The following SLC35F3 variants were observed in gnomAD, a reference collection of about 807,000 sequenced individuals.
The protein encoded by SLC35F3 is solute carrier family 35 member F3, also known as putative thiamine transporter SLC35F3.
Under a neutral mutation model 49.9 loss-of-function variants are expected in SLC35F3, and 25 were observed. That is an observed-to-expected ratio of 0.50 (90% CI 0.37 to 0.70). SLC35F3 has a LOEUF of 0.70. Ranked by LOEUF, SLC35F3 falls within the 30% of genes least tolerant of loss-of-function variation. SLC35F3 has a pLI of 0.00. For synonymous variants in SLC35F3, 275 were observed against 265.4 expected, an observed-to-expected ratio of 1.04 and a Z score of -0.35; for missense variants, 525 against 639.8, an observed-to-expected ratio of 0.82 and a Z score of 1.94.
Position 233,957,790 on chromosome 1 carries a change from G to C in SLC35F3, c.283+52032G>C, listed in dbSNP as rs1452681603. On this transcript the variant is annotated intron_variant, in intron 2 of 7. Coordinates refer to ENST00000366618, the MANE Select transcript of SLC35F3 (RefSeq NM_173508.4). This position sits in a 1 kb window ranked among gnomAD's most constrained non-coding sequence, Gnocchi z 4.0. ...AGACTGCATGATTGCACTCCACCTA[G>C]GGCGACAAAAGCGAAACTCCATCTC... is the stretch of plus-strand genomic sequence containing the variant. Among the ~76,000 whole-genome samples, 1 of 152,056 alleles carries C rather than the reference G, an allele frequency of 6.6e-6. No individual in the cohort carries two copies. The highest frequency in any genetic ancestry group is 1.5e-5 in the Non-Finnish European group (1 of 68,004).
intron 2 of SLC35F3, among the ~76,000 whole-genome samples, chr1:234,163,207 T>C (rs958895776): frequency 2.0e-5 from 3 of 152,220 alleles, no homozygotes; most frequent in African/African-American, 7.2e-5. Context: ...CTTGCAGTAT[T>C]TGGTATTTCC....
intron 2 of SLC35F3, among the ~76,000 whole-genome samples, chr1:234,111,490 A>G (rs973261507): frequency 2.6e-5 from 4 of 152,188 alleles, no homozygotes; most frequent in African/African-American, 7.2e-5. Context: ...CGGGGGTCTC[A>G]CCATGCTGGC....
chr1:234,227,551 A>G (rs1197697343), intron 2 of SLC35F3, among the ~76,000 whole-genome samples: 1 of 151,742 alleles, frequency 6.6e-6, no homozygotes, highest in Non-Finnish European at 1.5e-5. Flanking sequence ...GGTGCCCACC[A>G]CCACGCCCGG....
intron 2 of SLC35F3, among the ~76,000 whole-genome samples, chr1:233,951,171 T>C (rs1402090251): frequency 6.6e-6 from 1 of 151,942 alleles, no homozygotes; most frequent in Non-Finnish European, 1.5e-5. Context: ...TCATGCACCA[T>C]GTAACAATGT....
intron 2 of SLC35F3, among the ~76,000 whole-genome samples, chr1:233,926,295 C>T (rs1662159529): frequency 6.6e-6 from 1 of 152,176 alleles, no homozygotes; most frequent in Non-Finnish European, 1.5e-5. Context: ...TTGGTCTTTT[C>T]ACATAGTCTC....
chr1:233,931,309 C>T, intron 2 of SLC35F3, among the ~76,000 whole-genome samples: 1 of 152,144 alleles, frequency 6.6e-6, no homozygotes, highest in South Asian at 2.1e-4. Flanking sequence ...AACTAAAGAG[C>T]TTCTGCACAG....
chr1:234,278,512 A>C (rs1172597471), intron 3 of SLC35F3, among the ~76,000 whole-genome samples: 2 of 151,866 alleles, frequency 1.3e-5, no homozygotes, highest in Admixed American at 6.6e-5. Flanking sequence ...AAAACGAAAA[A>C]AAAAGAGAAA....
Position 234,231,422 on chromosome 1 carries a change from G to A in SLC35F3, c.289G>A (p.Glu97Lys), listed in dbSNP as rs1167555801. The A allele has an allele frequency of 2.6e-6, 4 of 1,552,974 alleles. No individual in the cohort carries two copies. Among genetic ancestry groups the A allele is most frequent in the Non-Finnish European group, 3.5e-6 (4 of 1,152,452 alleles). ...QPWAASCKRE[E>K]RPRDSPGPAE... ...CACGCCCTTCTCTTCCCCAGGGGAGGAGCGCCCCCGGGACTCCCCGGGCCC... is the reference window on the plus strand; with the variant it reads ...CACGCCCTTCTCTTCCCCAGGGGAGAAGCGCCCCCGGGACTCCCCGGGCCC... Residue 97 changes from glutamate (E) to lysine (K), a missense_variant, in exon 3 of 8, where the codon GAG becomes AAG. By Grantham distance (56) the Glu-to-Lys change is moderately conservative. Coordinates refer to ENST00000366618, the MANE Select transcript of SLC35F3 (RefSeq NM_173508.4). This position sits in a 1 kb window ranked among gnomAD's most constrained non-coding sequence, Gnocchi z 5.4.
chr1:233,968,262 T>C (rs1340856764), intron 2 of SLC35F3, among the ~76,000 whole-genome samples: 1 of 152,182 alleles, frequency 6.6e-6, no homozygotes, highest in East Asian at 1.9e-4. Flanking sequence ...TGACTTCTTA[T>C]AAGGACACAA....
rs528625853 is a variant in SLC35F3 at position 234,014,909 on chromosome 1, A to G, written c.283+109151A>G. Among the ~76,000 whole-genome samples, 7 of 152,356 alleles carry G rather than the reference A, an allele frequency of 4.6e-5. No homozygotes were observed. In the East Asian group the frequency reaches 1.3e-3, roughly 29 times the overall value. On this transcript the variant is annotated intron_variant, in intron 2 of 7. Transcript: ENST00000366618. ...TAAAATATCCATACTACCCAAAGCA[A>G]TCTACAGATTCAATGCAATCCTTAT...
intron 2 of SLC35F3, among the ~76,000 whole-genome samples, chr1:233,992,474 G>T (rs1663371320): frequency 2.0e-5 from 3 of 152,142 alleles, no homozygotes; most frequent in African/African-American, 7.2e-5. Flanking sequence ...GAAATATTGA[G>T]GGGTGTCCTG....
chr1:234,050,522 T>C (rs1664360484), intron 2 of SLC35F3, among the ~76,000 whole-genome samples: 1 of 152,252 alleles, frequency 6.6e-6, no homozygotes, highest in Non-Finnish European at 1.5e-5. Context: ...AAGTTCTTTG[T>C]AGATTCTGGA....
chr1:234,130,473 T>TAAAAAA (rs71170467), intron 2 of SLC35F3, among the ~76,000 whole-genome samples: 1 of 138,856 alleles, frequency 7.2e-6, no homozygotes, highest in African/African-American at 2.6e-5. Flanking sequence ...ACCCCGTCTC[T>TAAAAAA]AAAAAAAAAA....
At chr1:234,173,756 C>A (rs1302014052) in intron 2 of SLC35F3, among the ~76,000 whole-genome samples, 1 of 152,200 alleles carries the variant, frequency 6.6e-6, no homozygotes, top group Non-Finnish European at 1.5e-5. Context: ...GCCCCTGCCT[C>A]CAGGAGCTAA....
At chr1:234,234,389 G>A (rs1306286283) in intron 3 of SLC35F3, among the ~76,000 whole-genome samples, 2 of 152,150 alleles carry the variant, frequency 1.3e-5, no homozygotes, top group Non-Finnish European at 2.9e-5. Flanking sequence ...AGAGAGGAAG[G>A]CATGTGTTCC....
At chr1:234,054,577 G>T (rs1209769989) in intron 2 of SLC35F3, among the ~76,000 whole-genome samples, 1 of 152,060 alleles carries the variant, frequency 6.6e-6, no homozygotes, top group Admixed American at 6.5e-5. Context: ...CTTTGTGATG[G>T]GTTCGAACAT....
intron 3 of SLC35F3, among the ~76,000 whole-genome samples, chr1:234,267,774 T>C (rs1668016900): frequency 2.2e-5 from 3 of 138,124 alleles, no homozygotes; most frequent in African/African-American, 8.4e-5. Flanking sequence ...TCCTCACTTC[T>C]CAGATGGGGC....
chr1:234,144,827 G>T (rs7553925), intron 2 of SLC35F3, among the ~76,000 whole-genome samples: 1 of 152,126 alleles, frequency 6.6e-6, no homozygotes, highest in African/African-American at 2.4e-5. Context: ...AGGATAGAGG[G>T]GTGTCCAATA....
chr1:234,019,008 T>C (rs1663850700), intron 2 of SLC35F3, among the ~76,000 whole-genome samples: 1 of 152,204 alleles, frequency 6.6e-6, no homozygotes, highest in Admixed American at 6.5e-5. Context: ...CAATGCTACC[T>C]TTGGCCAGGC....
Sources: allele counts gnomAD v4.1 joint callset (sites outside exome capture counted in the v4.1 genomes callset), GRCh38; gene constraint gnomAD v4.1.1; non-coding constraint Gnocchi (gnomAD v3.1); transcripts MANE v1.5; gene names NCBI Gene and HGNC (gene_info 2026-07-23, HGNC 2026-07-21).